DSP: variants seen among roughly 807,000 people sequenced by gnomAD.
The protein encoded by DSP is 250/210 kDa paraneoplastic pemphigus antigen.
DSP carries 114 observed loss-of-function variants against 290.6 expected under a neutral mutation model. That is an observed-to-expected ratio of 0.39 (90% CI 0.34 to 0.46). The LOEUF (loss-of-function observed/expected upper bound fraction) is 0.46. Among genes scored for constraint, DSP ranks in the 20% least tolerant of loss-of-function variants. The pLI is 0.99. For synonymous variants in DSP, 1,311 were observed against 1,316.4 expected (o/e 1.00, Z 0.09); for missense variants, 3,230 against 3,495.8 (o/e 0.92, Z 1.92).
chr6:7,542,885 A>G (rs1375929865), intron 1 of DSP, among the ~76,000 whole-genome samples: 1 of 150,618 alleles, frequency 6.6e-6, no homozygotes, highest in East Asian at 2.0e-4. Flanking sequence ...TGTGCCTTGG[A>G]TCGCAGAGCG....
chr6:7,565,341 T>C lies in DSP; in HGVS notation c.778-18T>C. On this transcript the variant is annotated intron_variant, in intron 6 of 23. Transcript: ENST00000379802. The surrounding 1 kb of genome is among the most constrained non-coding windows in gnomAD (Gnocchi z 4.2). ...TGCATATTGTTATTTTAATGCTGCC[T>C]TTGAACCTCCTGTGCAGAAAGCGTC... 6.2e-7 allele frequency: 1 copy of C among 1,613,860 alleles called. No individual in the cohort carries two copies. The highest frequency in any genetic ancestry group is 1.1e-5 in the South Asian group (1 of 91,076).
At chr6:7,543,742 G>A (rs1377659466) in intron 1 of DSP, among the ~76,000 whole-genome samples, 1 of 152,106 alleles carries the variant, frequency 6.6e-6, no homozygotes, top group African/African-American at 2.4e-5. Context: ...TTATAACTAT[G>A]CTTTTGCTAG....
chr6:7,544,087 C>G (rs777487169), intron 1 of DSP, among the ~76,000 whole-genome samples: 3 of 152,118 alleles, frequency 2.0e-5, no homozygotes, highest in Non-Finnish European at 4.4e-5. Context: ...TTTTTCTTCT[C>G]ATTAATGTTG....
Position 7,581,435 on chromosome 6 carries a change from ATC to A in DSP, c.5247_5248del (p.Leu1750GlyfsTer21), listed in dbSNP as rs1455537496. ...SEADSDKNAT[I>X]LELRSQLQIS... ...AGCGGACAGTGATAAAAATGCAACC[ATC>A]TTGGAACTAAGGAGCCAGCTGCAGA... is the stretch of plus-strand genomic sequence containing the variant. On this transcript the variant is annotated frameshift_variant, in exon 23 of 24. Coordinates refer to ENST00000379802, the MANE Select transcript of DSP (RefSeq NM_004415.4). LOFTEE classifies it high-confidence loss of function. 6.2e-7 allele frequency: 1 copy of A among 1,612,744 alleles called. No individual in the cohort carries two copies. The highest frequency in any genetic ancestry group is 1.3e-5 in the African/African-American group (1 of 74,808).
At chr6:7,570,016 A>G (rs1758993439) in intron 12 of DSP, among the ~76,000 whole-genome samples, 1 of 152,240 alleles carries the variant, frequency 6.6e-6, no homozygotes, top group Non-Finnish European at 1.5e-5. Flanking sequence ...CATTCGTTTA[A>G]CAGGTTGTCC....
At chr6:7,564,457 C>T (rs527403522) in intron 6 of DSP, among the ~76,000 whole-genome samples, 20 of 152,194 alleles carry the variant, frequency 1.3e-4, no homozygotes, top group African/African-American at 4.3e-4. Context: ...TCCTATTGGG[C>T]TGGGGTGTGA....
chr6:7,551,205 A>G (rs1486756333), intron 1 of DSP, among the ~76,000 whole-genome samples: 3 of 152,174 alleles, frequency 2.0e-5, no homozygotes, highest in Non-Finnish European at 4.4e-5. Context: ...GAAATCTTAC[A>G]TACCATTTAG....
chr6:7,568,440 G>A lies in DSP; in HGVS notation c.1270G>A (p.Glu424Lys). Residue 424 changes from glutamate (E) to lysine (K), a missense_variant, in exon 11 of 24, where the codon GAA (glutamate) becomes AAA (lysine). Coordinates refer to ENST00000379802, the MANE Select transcript of DSP (RefSeq NM_004415.4). ...LLEQIKELEK[E>K]REKILEYKRQ... ...ATGATTTTATTCACCATTGCAGAAA[G>A]AACGAGAGAAAATCCTTGAATACAA... The A allele has an allele frequency of 6.2e-7, 1 of 1,614,064 alleles. No individual in the cohort carries two copies. Among genetic ancestry groups the A allele is most frequent in the African/African-American group, 1.3e-5 (1 of 75,066 alleles).
At chr6:7,574,436 A>G (rs1759166182) in intron 16 of DSP, among the ~76,000 whole-genome samples, 184 bp downstream of exon 16, 1 of 152,182 alleles carries the variant, frequency 6.6e-6, no homozygotes, top group South Asian at 2.1e-4. Flanking sequence ...ATTCTGAACT[A>G]TAATGTTATC....
At chr6:7,548,583 A>G (rs950401238) in intron 1 of DSP, among the ~76,000 whole-genome samples, 1 of 152,242 alleles carries the variant, frequency 6.6e-6, no homozygotes, top group East Asian at 1.9e-4. Context: ...CACAAACACA[A>G]TCTGCCAAAC....
chr6:7,549,395 C>T (rs2299036), intron 1 of DSP, among the ~76,000 whole-genome samples: 32,481 of 152,130 alleles, frequency 0.21, 3,620 homozygotes, highest in East Asian at 0.33. Context: ...GTGATCCTCC[C>T]GCCTCAGCCT....
At chr6:7,573,296 G>A (rs942623537) in intron 15 of DSP, among the ~76,000 whole-genome samples, 1 of 152,002 alleles carries the variant, frequency 6.6e-6, no homozygotes, top group African/African-American at 2.4e-5. Context: ...AGAGATCCTG[G>A]GGCCAGGTGC....
Position 7,541,908 on chromosome 6 carries a change from C to T in DSP, c.-8C>T. On this transcript the variant is annotated 5_prime_UTR_variant, in exon 1 of 24. Transcript: ENST00000379802. ...GGCGCTGAGCCGCTCTCCCGATTGC[C>T]CGCCGACATGAGCTGCAACGGAGGC... is the stretch of plus-strand genomic sequence containing the variant. 6.2e-7 allele frequency: 1 copy of T among 1,603,282 alleles called. No homozygotes were observed. The highest frequency in any genetic ancestry group is 8.5e-7 in the Non-Finnish European group (1 of 1,177,126).
At position 7,582,873 on chromosome 6, in the gene DSP, T is replaced by G. The variant is rs374844169; in HGVS notation, c.5611T>G (p.Tyr1871Asp). Residue 1871 changes from tyrosine to aspartate, a missense_variant, in exon 24 of 24, where the codon TAT becomes GAT. Transcript: ENST00000379802. The surrounding 1 kb of genome is among the most constrained non-coding windows in gnomAD (Gnocchi z 4.2). ...QNDLNQWKTQ[Y>D]SRKEEAIRKI... is the part of the protein sequence containing the mutation. Reference sequence around the variant, plus strand: ...TGACCTGAATCAGTGGAAGACTCAATATTCCCGCAAGGAGGAGGCTATTAG... The same window carrying G: ...TGACCTGAATCAGTGGAAGACTCAAGATTCCCGCAAGGAGGAGGCTATTAG... The G allele has an allele frequency of 6.8e-6, 11 of 1,613,974 alleles. No individual in the cohort carries two copies. The highest frequency in any genetic ancestry group is 9.3e-6 in the Non-Finnish European group (11 of 1,180,026).
At chr6:7,569,452 A>T in intron 12 of DSP, 112 bp downstream of exon 12, 1 of 1,515,498 alleles carries the variant, frequency 6.6e-7, no homozygotes, top group South Asian at 1.1e-5. Flanking sequence ...GCCATAATAA[A>T]CACCTTCTAA....
intron 4 of DSP, among the ~76,000 whole-genome samples, chr6:7,560,664 G>A (rs1463870660): frequency 6.6e-6 from 1 of 152,172 alleles, no homozygotes; most frequent in African/African-American, 2.4e-5. Flanking sequence ...TAGAGGGGAG[G>A]GTGGCCAGCT....
intron 2 of DSP, 24 bp downstream of exon 2, chr6:7,555,844 C>T (rs768644349): frequency 1.2e-6 from 2 of 1,608,100 alleles, no homozygotes; most frequent in Non-Finnish European, 1.7e-6. Flanking sequence ...GTTCCCATCG[C>T]TTCTCCCAAA....
Position 7,578,458 on chromosome 6 carries a change from T to A in DSP, c.2986-6T>A, listed in dbSNP as rs144748036. 326 of 1,612,502 alleles carry A rather than the reference T, an allele frequency of 2.0e-4. 1 individual carries two copies. The African/African-American group carries it at 4.1e-3, about 20-fold the overall frequency. On this transcript the variant is annotated splice_polypyrimidine_tract_variant and splice_region_variant and intron_variant, in intron 21 of 23. Coordinates refer to ENST00000379802, the MANE Select transcript of DSP (RefSeq NM_004415.4). ...CTTTTTCTTTCTTTCCTTCCTTTTC[T>A]CCAAGGCTGCAGATGTTCATGCTCG...
Position 7,570,442 on chromosome 6 carries a change from A to G in DSP, c.1580A>G (p.Glu527Gly). 6.2e-7 allele frequency: 1 copy of G among 1,614,112 alleles called. No homozygotes were observed. The highest frequency in any genetic ancestry group is 8.5e-7 in the Non-Finnish European group (1 of 1,180,022). ...TTTCCCTTTGTGCCTCTTAGGATTG[A>G]GCAGTACTACGAAGCCATCTTGGCT... Reference protein sequence around the residue: ...PLAVDLSCKIEQYYEAILALW... With the variant: ...PLAVDLSCKIGQYYEAILALW... Residue 527 changes from glutamate to glycine, a missense_variant, in exon 13 of 24, where the codon GAG becomes GGG. Glu to Gly is a moderately conservative substitution (Grantham distance 98). Around this residue, in one of 5 missense-constraint regions of DSP, gnomAD observed 646 missense variants for 684.3 expected, o/e 0.94. Coordinates refer to ENST00000379802, the MANE Select transcript of DSP (RefSeq NM_004415.4).
Sources: allele counts gnomAD v4.1 joint callset (sites outside exome capture counted in the v4.1 genomes callset), GRCh38; gene constraint gnomAD v4.1.1; regional missense constraint gnomAD v4.1.1; non-coding constraint Gnocchi (gnomAD v3.1); transcripts MANE v1.5; gene names NCBI Gene and HGNC (gene_info 2026-07-23, HGNC 2026-07-21).